The following WDR70 variants were observed in gnomAD, a reference collection of about 807,000 sequenced individuals.
WDR70 encodes the protein WD repeat-containing protein 70.
Under a neutral mutation model 88.6 loss-of-function variants are expected in WDR70, and 53 were observed. That is an observed-to-expected ratio of 0.60 (90% confidence interval 0.48 to 0.75). The LOEUF is 0.75. Among genes scored for constraint, WDR70 ranks in the 30% least tolerant of loss-of-function variants. The probability of loss-of-function intolerance (pLI) is 0.00; values close to 1 mark genes in which losing one functional copy is unlikely to be tolerated. For synonymous variants in WDR70, 280 were observed against 270.0 expected, an observed-to-expected ratio of 1.04 and a Z score of -0.36; for missense variants, 610 against 823.2, an observed-to-expected ratio of 0.74 and a Z score of 3.17.
In WDR70 at chr5:37,685,006, T is replaced by C. The variant is rs559091972; in HGVS notation, c.1093-12649T>C. Among the ~76,000 whole-genome samples, 50 of 152,208 alleles carry C rather than the reference T, an allele frequency of 3.3e-4. 1 individual carries two copies. The South Asian group carries it at 9.8e-3, about 30-fold the overall frequency. On this transcript the variant is annotated intron_variant, in intron 10 of 17. Coordinates refer to ENST00000265107, the MANE Select transcript of WDR70 (RefSeq NM_018034.4). ...GGGTTAGGAAGCTGGCAAGCACAGGTCTGTGTGTGCCCTCTGTGCATGTTC... is the reference window on the plus strand; with the variant it reads ...GGGTTAGGAAGCTGGCAAGCACAGGCCTGTGTGTGCCCTCTGTGCATGTTC...
At position 37,396,565 on chromosome 5, in the gene WDR70, GAGGAAGTAAGTATTTCAGTGGTAATTTA is replaced by G. The variant is rs1220619704; in HGVS notation, c.490_492+25del. The G allele has an allele frequency of 6.2e-7, 1 of 1,608,636 alleles. No homozygotes were observed. Among genetic ancestry groups the G allele is most frequent in the South Asian group, 1.1e-5 (1 of 90,732 alleles). On this transcript the variant is annotated splice_donor_variant and splice_donor_5th_base_variant and coding_sequence_variant and intron_variant, in exon 5 of 18. Transcript: ENST00000265107. LOFTEE classifies it high-confidence loss of function. ...GGAAGAAGAAGAGGAAGAGGAGGAA[GAGGAAGTAAGTATTTCAGTGGTAATTTA>G]AGAATTCGGTGGAGTAATATCTTTA...
At chr5:37,703,220 C>A in intron 13 of WDR70, 133 bp downstream of exon 13, 1 of 1,092,760 alleles carries the variant, frequency 9.2e-7, no homozygotes, top group Non-Finnish European at 1.3e-6. Context: ...TTCACTCTAG[C>A]GTAGGAGTTA....
At chr5:37,516,729 T>A (rs868207217) in intron 9 of WDR70, 139 bp downstream of exon 9, 7,939 of 195,078 alleles carry the variant, frequency 0.041, 679 homozygotes, top group African/African-American at 0.18. Context: ...ATATATATTT[T>A]TTTTTTTTTT....
At chr5:37,637,238 G>A (rs988919969) in intron 10 of WDR70, among the ~76,000 whole-genome samples, 2 of 151,932 alleles carry the variant, frequency 1.3e-5, no homozygotes, top group African/African-American at 4.8e-5. Flanking sequence ...GCTACTGGGA[G>A]GCTGAGGCAG....
At chr5:37,554,244 T>C (rs1394677299) in intron 9 of WDR70, among the ~76,000 whole-genome samples, 3 of 152,112 alleles carry the variant, frequency 2.0e-5, no homozygotes, top group African/African-American at 7.2e-5. Flanking sequence ...TCTTGGCCTA[T>C]AAAGAACTGG....
intron 7 of WDR70, among the ~76,000 whole-genome samples, chr5:37,446,114 C>T (rs1489701090): frequency 1.3e-5 from 2 of 152,114 alleles, no homozygotes; most frequent in African/African-American, 4.8e-5. Flanking sequence ...AATCAATGTG[C>T]AAAAATCACA....
intron 17 of WDR70, among the ~76,000 whole-genome samples, chr5:37,727,559 A>G (rs956598570): frequency 6.6e-6 from 1 of 152,112 alleles, no homozygotes; most frequent in Middle Eastern, 3.2e-3. Flanking sequence ...GTACTATTAT[A>G]GAATTTTCCG....
At chr5:37,447,790 G>A (rs1331536087) in intron 7 of WDR70, among the ~76,000 whole-genome samples, 1 of 152,200 alleles carries the variant, frequency 6.6e-6, no homozygotes, top group African/African-American at 2.4e-5. Flanking sequence ...CCTGTCATGG[G>A]ATGCGGGGAG....
At chr5:37,691,120 T>A (rs1450928713) in intron 10 of WDR70, among the ~76,000 whole-genome samples, 1 of 151,742 alleles carries the variant, frequency 6.6e-6, no homozygotes, top group Admixed American at 6.6e-5. Context: ...GATCAAAAGA[T>A]ACAAAGCCAT....
intron 9 of WDR70, among the ~76,000 whole-genome samples, chr5:37,550,208 T>C (rs889893153): frequency 6.6e-6 from 1 of 152,210 alleles, no homozygotes; most frequent in African/African-American, 2.4e-5. Flanking sequence ...TCAGCACCAA[T>C]TGAAATGATC....
intron 8 of WDR70, among the ~76,000 whole-genome samples, chr5:37,490,009 G>A (rs537378216): frequency 2.6e-4 from 40 of 152,180 alleles, no homozygotes; most frequent in African/African-American, 9.6e-4. Flanking sequence ...AATGGGTATA[G>A]GCTGTGGTAG....
chr5:37,656,725 C>G (rs1322021893), intron 10 of WDR70, among the ~76,000 whole-genome samples: 2 of 152,164 alleles, frequency 1.3e-5, no homozygotes, highest in African/African-American at 4.8e-5. Context: ...TTCGAACTTC[C>G]CAGTGGCTTT....
chr5:37,408,742 T>C (rs918056243), intron 5 of WDR70, among the ~76,000 whole-genome samples: 1 of 152,160 alleles, frequency 6.6e-6, no homozygotes, highest in Non-Finnish European at 1.5e-5. Flanking sequence ...TTTTTAGCCA[T>C]TGTGAATGGT....
chr5:37,379,623 G>A (rs748675735), intron 2 of WDR70, 69 bp downstream of exon 2: 3 of 1,544,204 alleles, frequency 1.9e-6, no homozygotes, highest in Non-Finnish European at 2.7e-6. Context: ...GAGTGGGAGT[G>A]GAGATCGAGC....
intron 9 of WDR70, among the ~76,000 whole-genome samples, chr5:37,539,960 A>G (rs1741767438): frequency 6.6e-6 from 1 of 152,202 alleles, no homozygotes; most frequent in Admixed American, 6.5e-5. Flanking sequence ...GCATTCTTGG[A>G]GATTTCAGTT....
rs746703449 is a variant in WDR70, at chr5:37,379,487, A to G, written c.26-2A>G. On this transcript the variant is annotated splice_acceptor_variant, in intron 1 of 17. Transcript: ENST00000265107. LOFTEE classifies it high-confidence loss of function. ...GCCGCCTCTCTTTTCCTCTTGCTCC[A>G]GTGACAGGCTCAGACGCGTCGGGAC... The G allele has an allele frequency of 5.6e-6, 9 of 1,613,858 alleles. No individual in the cohort carries two copies. Among genetic ancestry groups the G allele is most frequent in the African/African-American group, 1.3e-5 (1 of 74,926 alleles).
intron 10 of WDR70, among the ~76,000 whole-genome samples, chr5:37,686,568 T>C (rs1323991084): frequency 6.6e-6 from 1 of 151,110 alleles, no homozygotes; most frequent in East Asian, 2.0e-4. Flanking sequence ...CCCCCGGCTC[T>C]ACAAAATAAA....
intron 8 of WDR70, among the ~76,000 whole-genome samples, chr5:37,480,268 C>T (rs1739621894): frequency 6.6e-6 from 1 of 152,086 alleles, no homozygotes; most frequent in African/African-American, 2.4e-5. Context: ...TTACTTCTAC[C>T]CCACCCCTTC....
chr5:37,404,927 C>T (rs1749307289), intron 5 of WDR70, among the ~76,000 whole-genome samples: 1 of 152,026 alleles, frequency 6.6e-6, no homozygotes, highest in Admixed American at 6.6e-5. Flanking sequence ...TTGTGGTTTT[C>T]TGAATGTGTT....
Sources: allele counts gnomAD v4.1 joint callset (sites outside exome capture counted in the v4.1 genomes callset), GRCh38; gene constraint gnomAD v4.1.1; transcripts MANE v1.5; gene names NCBI Gene and HGNC (gene_info 2026-07-23, HGNC 2026-07-21).